EPB41L5: variants seen among roughly 807,000 people sequenced by gnomAD.
The protein encoded by EPB41L5 is erythrocyte membrane protein band 4.1 like 5.
Under a neutral mutation model 106.6 loss-of-function variants are expected in EPB41L5, and 55 were observed. The observed-to-expected ratio is 0.52, with a 90% CI of 0.42 to 0.65. EPB41L5 has a LOEUF of 0.65. EPB41L5 is among the 30% of genes least tolerant of loss of function. The pLI is 0.00. For synonymous variants in EPB41L5, 297 were observed against 306.7 expected (o/e 0.97, Z 0.33); for missense variants, 871 against 882.1 (o/e 0.99, Z 0.16).
chr2:120,115,490 C>T (rs572500817), intron 16 of EPB41L5, among the ~76,000 whole-genome samples: 2 of 150,422 alleles, frequency 1.3e-5, no homozygotes, highest in African/African-American at 4.9e-5. Context: ...CTGCAACCTC[C>T]ACCTCCTGCC....
intron 10 of EPB41L5, among the ~76,000 whole-genome samples, chr2:120,080,642 C>G (rs1467954018): frequency 2.0e-5 from 3 of 152,170 alleles, no homozygotes; most frequent in Non-Finnish European, 4.4e-5. Context: ...ATGGCTGGGT[C>G]AGATGGTATT....
intron 16 of EPB41L5, among the ~76,000 whole-genome samples, chr2:120,118,077 T>C (rs958368043): frequency 3.3e-5 from 5 of 152,252 alleles, no homozygotes; most frequent in Non-Finnish European, 7.3e-5. Flanking sequence ...TAATAGAGTT[T>C]TCCTCACTGC....
At chr2:120,092,689 T>C (rs1683496330) in intron 13 of EPB41L5, among the ~76,000 whole-genome samples, 1 of 152,176 alleles carries the variant, frequency 6.6e-6, no homozygotes, top group South Asian at 2.1e-4. Context: ...TTTATACTCA[T>C]AAGTTTTGGT....
intron 2 of EPB41L5, among the ~76,000 whole-genome samples, chr2:120,028,880 AAG>A (rs1678514831): frequency 6.6e-6 from 1 of 152,136 alleles, no homozygotes; most frequent in Admixed American, 6.5e-5. Flanking sequence ...AAGTGAAGCA[AAG>A]AGTTTTGGTG....
At chr2:120,149,892 CTTTT>C (rs34014223) in intron 20 of EPB41L5, among the ~76,000 whole-genome samples, 2 of 110,910 alleles carry the variant, frequency 1.8e-5, no homozygotes, top group Admixed American at 9.7e-5. Flanking sequence ...TTTCACTGTA[CTTTT>C]TTTTTTTTTT....
chr2:120,176,991 A>G lies in EPB41L5; in HGVS notation c.*2084A>G, dbSNP rs1268215991. 4 of 152,192 alleles carry G rather than the reference A, an allele frequency of 2.6e-5. No individual in the cohort carries two copies. Among genetic ancestry groups the G allele is most frequent in the African/African-American group, 9.7e-5 (4 of 41,442 alleles). 9.4% of individuals were successfully genotyped at this position (152,192 alleles called of 1,614,324 possible). A position where few individuals can be genotyped will look rare whatever the true frequency, so the allele number is the denominator to read the frequency against. On this transcript the variant is annotated 3_prime_UTR_variant, in exon 25 of 25. Coordinates refer to ENST00000263713, the MANE Select transcript of EPB41L5 (RefSeq NM_020909.4). ...TCACTTGAATTTCAAGCTCAGAGGA[A>G]ACTTTGTCTCATGCCCTGACATGAA... is the stretch of plus-strand genomic sequence containing the variant.
intron 16 of EPB41L5, chr2:120,104,839 CATT>C (rs1193363482): frequency 3.1e-6 from 3 of 963,924 alleles, no homozygotes; most frequent in Admixed American, 6.2e-5. Context: ...TTAGAGATCA[CATT>C]AATAATGTGG....
rs1687807226 is a variant in EPB41L5, at chr2:120,173,896, A to T, written c.2136-945A>T. On this transcript the variant is annotated intron_variant, in intron 24 of 24. Transcript: ENST00000263713. Reference sequence around the variant, plus strand: ...TACGTCATCTCACTTTGTTGCCCAGACTGGTCCCGAACTCCTGGTCTCAGT... The same window carrying T: ...TACGTCATCTCACTTTGTTGCCCAGTCTGGTCCCGAACTCCTGGTCTCAGT... Among the ~76,000 whole-genome samples, 3 of 152,158 alleles carry T rather than the reference A, an allele frequency of 2.0e-5. 1 individual carries two copies. In the South Asian group the frequency reaches 6.2e-4, roughly 32 times the overall value.
intron 16 of EPB41L5, chr2:120,105,645 G>A (rs370711296): frequency 1.0e-6 from 1 of 985,196 alleles, no homozygotes; most frequent in Non-Finnish European, 1.2e-6. Context: ...AAAGTATTTA[G>A]CACATCCTCT....
At chr2:120,142,508 A>C (rs999973416) in intron 18 of EPB41L5, among the ~76,000 whole-genome samples, 3 of 152,202 alleles carry the variant, frequency 2.0e-5, no homozygotes, top group Non-Finnish European at 4.4e-5. Flanking sequence ...AGCTTTAGCA[A>C]CTAGTATTTT....
Position 120,130,529 on chromosome 2 carries a change from G to A in EPB41L5, c.1502-1089G>A, listed in dbSNP as rs556249686. ...AAAAGGTTTAACAACAACAAAAAGA[G>A]TATTCAGGATGGAGTAATTTGAAGC... On this transcript the variant is annotated intron_variant, in intron 17 of 24. Coordinates refer to ENST00000263713, the MANE Select transcript of EPB41L5 (RefSeq NM_020909.4). Among the ~76,000 whole-genome samples, 17 of 152,300 alleles carry A rather than the reference G, an allele frequency of 1.1e-4. No individual in the cohort carries two copies. In the South Asian group the frequency reaches 3.3e-3, roughly 30 times the overall value.
intron 3 of EPB41L5, among the ~76,000 whole-genome samples, chr2:120,044,251 T>C (rs1337833426): frequency 6.6e-6 from 1 of 152,144 alleles, no homozygotes; most frequent in African/African-American, 2.4e-5. Flanking sequence ...GTGTAGGAGA[T>C]ATTTCTTTTA....
chr2:120,070,283 A>G (rs553471097), intron 3 of EPB41L5, among the ~76,000 whole-genome samples: 2 of 152,346 alleles, frequency 1.3e-5, no homozygotes, highest in East Asian at 3.9e-4. Context: ...TAAACCAGGA[A>G]GAAGTCAAAT....
In EPB41L5 at chr2:120,167,995, A is replaced by G; in HGVS notation, c.2123A>G (p.Asp708Gly). Residue 708 changes from aspartate to glycine, a missense_variant, in exon 24 of 25, where the codon GAT becomes GGT. By Grantham distance (94) the Asp-to-Gly change is moderately conservative. Transcript: ENST00000263713. ...TCTCCCCCAGCGCCATTCTTGGTAG[A>G]TGCTGTGACCAGGTGAGAAAATTAT... The part of the protein sequence containing the change: ...LISPPAPFLV[D>G]AVTSSGPILA... 1.9e-6 allele frequency: 3 copies of G among 1,614,160 alleles called. No individual in the cohort carries two copies. The highest frequency in any genetic ancestry group is 2.5e-6 in the Non-Finnish European group (3 of 1,179,988).
At chr2:120,140,370 A>T (rs1344243581) in intron 18 of EPB41L5, among the ~76,000 whole-genome samples, 1 of 152,068 alleles carries the variant, frequency 6.6e-6, no homozygotes, top group African/African-American at 2.4e-5. Flanking sequence ...TGATGTGATG[A>T]TTACACATTG....
intron 22 of EPB41L5, among the ~76,000 whole-genome samples, chr2:120,166,741 T>C (rs1375126653): frequency 6.6e-6 from 1 of 152,188 alleles, no homozygotes; most frequent in Non-Finnish European, 1.5e-5. Context: ...CAGCCTGTGT[T>C]TTTATTCTTT....
chr2:120,075,788 G>A (rs775960906), intron 7 of EPB41L5, 35 bp downstream of exon 7: 5 of 1,522,926 alleles, frequency 3.3e-6, no homozygotes, highest in Non-Finnish European at 4.6e-6. Context: ...TAAGACTCAA[G>A]TATAATCTTT....
At chr2:120,015,739 G>GT (rs889804010) in intron 1 of EPB41L5, among the ~76,000 whole-genome samples, 2 of 151,916 alleles carry the variant, frequency 1.3e-5, no homozygotes, top group Non-Finnish European at 2.9e-5. Flanking sequence ...GAGGCCAGGA[G>GT]TTTGAGACAA....
chr2:120,161,074 G>C, intron 21 of EPB41L5, 100 bp downstream of exon 21: 1 of 842,274 alleles, frequency 1.2e-6, no homozygotes, highest in Non-Finnish European at 2.0e-6. Context: ...AGTGACACTG[G>C]GACTTAAGAT....
Sources: allele counts gnomAD v4.1 joint callset (sites outside exome capture counted in the v4.1 genomes callset), GRCh38; gene constraint gnomAD v4.1.1; transcripts MANE v1.5; gene names NCBI Gene and HGNC (gene_info 2026-07-23, HGNC 2026-07-21).